Variants in APLN observed in about 807,000 individuals in gnomAD.
APLN encodes the protein apelin, also known as AGTRL1 ligand.
Under a neutral mutation model 4.3 loss-of-function variants are expected in APLN, and 2 were observed. The observed-to-expected ratio is 0.46, with a 90% CI of 0.19 to 1.45. The LOEUF is 1.45. Ranked by LOEUF, APLN falls within the 40% of genes most tolerant of loss-of-function variation. The pLI is 0.25. For missense variants in APLN, 80 were observed against 70.0 expected, an observed-to-expected ratio of 1.14 and a Z score of -0.51; for synonymous variants, 34 against 30.4, an observed-to-expected ratio of 1.12 and a Z score of -0.38.
intron 1 of APLN, among the ~76,000 whole-genome samples, chrX:129,650,856 G>A (rs1319444816): frequency 5.4e-5 from 6 of 111,871 alleles, no homozygotes; most frequent in Admixed American, 1.9e-4. Context: ...CACTGAGGGC[G>A]GATCTGAATG....
At chrX:129,650,530 T>C (rs189646111) in intron 1 of APLN, among the ~76,000 whole-genome samples, 15 of 111,742 alleles carry the variant, frequency 1.3e-4, no homozygotes, top group South Asian at 7.5e-4. Context: ...CCAAGAAAAA[T>C]TGCCAGGCCC....
At position 129,654,670 on chromosome X, in the gene APLN, G is replaced by A. The variant is rs777260111; in HGVS notation, c.-40C>T. 8.0e-5 allele frequency: 83 copies of A among 1,032,899 alleles called. No individual in the cohort carries two copies. The African/African-American group carries it at 1.5e-3, about 18-fold the overall frequency. The allele number at this position is 1,032,899 out of a possible 1,213,427, so 85.1% of individuals were successfully genotyped here. On this transcript the variant is annotated 5_prime_UTR_variant, in exon 1 of 3. Transcript: ENST00000429967. ...CGCCGCGGCCCCGGCGAGCCGGCGC[G>A]GGGGAGGAGAGGTCGGGCGCCCGGA...
At chrX:129,649,396 G>A (rs1435175558) in intron 1 of APLN, among the ~76,000 whole-genome samples, 2 of 111,136 alleles carry the variant, frequency 1.8e-5, no homozygotes, top group Admixed American at 9.5e-5. Flanking sequence ...CTCATATCTC[G>A]CCCCTGGGTG....
chrX:129,651,026 G>A (rs1936975678), intron 1 of APLN, among the ~76,000 whole-genome samples: 1 of 110,394 alleles, frequency 9.1e-6, no homozygotes, highest in Non-Finnish European at 1.9e-5. Flanking sequence ...ATGGAGAAGA[G>A]AAGCATGGTG....
chrX:129,649,630 G>T (rs1015685574), intron 1 of APLN, among the ~76,000 whole-genome samples: 1 of 111,821 alleles, frequency 8.9e-6, no homozygotes, highest in Admixed American at 9.4e-5. Flanking sequence ...GCACCAGGAG[G>T]GGGGTGGGCT....
chrX:129,654,505 G>A (rs987922708), intron 1 of APLN, 59 bp downstream of exon 1: 17 of 1,094,950 alleles, frequency 1.6e-5, no homozygotes, highest in Non-Finnish European at 1.9e-5. Flanking sequence ...GTGCGAATAG[G>A]GCGGAGGGAA....
Position 129,647,092 on chromosome X carries a change from G to C in APLN, c.*831C>G, listed in dbSNP as rs1347127773. The C allele has an allele frequency of 8.4e-6, 1 of 119,261 alleles. No individual in the cohort carries two copies. 9.8% of individuals were successfully genotyped at this position (119,261 alleles called of 1,213,427 possible). ...CTAAGAAGGCTAAGTGACCTTCAAG[G>C]GTCCTGTCAGCTCTAACATTCTGTG... On this transcript the variant is annotated 3_prime_UTR_variant, in exon 3 of 3. Transcript: ENST00000429967.
chrX:129,654,606 C>T lies in APLN; in HGVS notation c.25G>A (p.Ala9Thr). The change falls in exon 1 of 3, where the codon GCG becomes ACG. Residue 9 changes from alanine to threonine, a missense_variant. Coordinates refer to ENST00000429967, the MANE Select transcript of APLN (RefSeq NM_017413.5). Reference sequence around the variant, plus strand: ...AAGGAGAGCCAGAGCAGCAGGAGCGCCTGCACGCAGAGCCGCAGATTCATG... The same window carrying T: ...AAGGAGAGCCAGAGCAGCAGGAGCGTCTGCACGCAGAGCCGCAGATTCATG... MNLRLCVQ[A>T]LLLLWLSLTA... 2.6e-6 allele frequency: 3 copies of T among 1,153,416 alleles called. No homozygotes were observed. Among genetic ancestry groups the T allele is most frequent in the Non-Finnish European group, 2.3e-6 (2 of 868,807 alleles).
At position 129,647,534 on chromosome X, in the gene APLN, G is replaced by T; in HGVS notation, c.*389C>A. 2.4e-6 allele frequency: 2 copies of T among 847,721 alleles called. No individual in the cohort carries two copies. Among genetic ancestry groups the T allele is most frequent in the Non-Finnish European group, 3.1e-6 (2 of 654,501 alleles). 69.9% of individuals were successfully genotyped at this position (847,721 alleles called of 1,213,427 possible). A position where few individuals can be genotyped will look rare whatever the true frequency, so the allele number is the denominator to read the frequency against. ...GGGATCTGCTGGAGCCCACAGAAGG[G>T]AGCACTTCCACCCCGCGCTCAGGGC... On this transcript the variant is annotated 3_prime_UTR_variant, in exon 3 of 3. Coordinates refer to ENST00000429967, the MANE Select transcript of APLN (RefSeq NM_017413.5).
Position 129,654,757 on chromosome X carries a change from G to A in APLN, c.-127C>T. On this transcript the variant is annotated 5_prime_UTR_variant, in exon 1 of 3. Transcript: ENST00000429967. ...GGCGCAGAGCTCGGGAGGCTCCCCG[G>A]CCGCTGAGTGTGCGCGCTGAGCCCC... is the stretch of plus-strand genomic sequence containing the variant. 2.8e-6 allele frequency: 1 copy of A among 361,140 alleles called. No homozygotes were observed. The highest frequency in any genetic ancestry group is 4.1e-6 in the Non-Finnish European group (1 of 242,588). 29.8% of individuals were successfully genotyped at this position (361,140 alleles called of 1,213,427 possible).
chrX:129,651,022 A>G (rs907948648), intron 1 of APLN, among the ~76,000 whole-genome samples: 1 of 110,752 alleles, frequency 9.0e-6, no homozygotes, highest in Non-Finnish European at 1.9e-5. Context: ...AGACATGGAG[A>G]AGAGAAGCAT....
Position 129,647,680 on chromosome X carries a change from T to C in APLN, c.*243A>G, listed in dbSNP as rs773868584. 8.1e-5 allele frequency: 80 copies of C among 982,629 alleles called. No individual in the cohort carries two copies. The highest frequency in any genetic ancestry group is 1.0e-4 in the Non-Finnish European group (76 of 756,055). The allele number at this position is 982,629 out of a possible 1,213,427, so 81.0% of individuals were successfully genotyped here. On this transcript the variant is annotated 3_prime_UTR_variant, in exon 3 of 3. Transcript: ENST00000429967. ...TCTGGGGCTAGGTCTCCAAAGTCAGTCCAGGGAGGGGCCAGGAAGATGGAC... is the reference window on the plus strand; with the variant it reads ...TCTGGGGCTAGGTCTCCAAAGTCAGCCCAGGGAGGGGCCAGGAAGATGGAC...
chrX:129,650,880 G>A (rs1439061236), intron 1 of APLN, among the ~76,000 whole-genome samples: 2 of 112,073 alleles, frequency 1.8e-5, no homozygotes, highest in Non-Finnish European at 3.8e-5. Flanking sequence ...CTGATAAGGA[G>A]CAGGGGAAGG....
intron 2 of APLN, among the ~76,000 whole-genome samples, chrX:129,648,191 C>A (rs1270042980): frequency 9.0e-6 from 1 of 111,722 alleles, no homozygotes; most frequent in African/African-American, 3.3e-5. Context: ...ACCACAGCCA[C>A]AACTGTCCTC....
In APLN at chrX:129,648,786, A is replaced by G. The variant is rs945796684; in HGVS notation, c.74T>C (p.Leu25Pro). 8 of 1,164,596 alleles carry G rather than the reference A, an allele frequency of 6.9e-6. No individual in the cohort carries two copies. The highest frequency in any genetic ancestry group is 3.2e-5 in the East Asian group (1 of 31,172). ...CCCATTCCCATCGGGAAGCGGCATC[A>G]GGGACCCTGCAGGAAGGAGAAAGCC... ...LSLTAVCGGS[L>P]MPLPDGNGLE... The change falls in exon 2 of 3, where the codon CTG becomes CCG. Residue 25 changes from leucine to proline, a missense_variant. Physicochemically the swap from Leu to Pro is moderately conservative, Grantham distance 98. Transcript: ENST00000429967.
At chrX:129,651,679 A>G (rs375044047) in intron 1 of APLN, among the ~76,000 whole-genome samples, 4 of 112,068 alleles carry the variant, frequency 3.6e-5, no homozygotes, top group African/African-American at 1.3e-4. Flanking sequence ...TTTGACTTTC[A>G]TGCTATCTGA....
At chrX:129,652,326 T>C (rs2235310) in intron 1 of APLN, among the ~76,000 whole-genome samples, 13,791 of 109,046 alleles carry the variant, frequency 0.13, 1,371 homozygotes, top group East Asian at 0.47. Context: ...TGGAGAGGGG[T>C]CGGGGGTGGA....
In APLN at chrX:129,648,054, C is replaced by A. The variant is rs1010031415; in HGVS notation, c.*6-137G>T. On this transcript the variant is annotated intron_variant, in intron 2 of 2. Transcript: ENST00000429967. ...CTCAGCCCAAACCTCAATCCCAAGG[C>A]CCCTGAGTTGGTGCCTGCCTGTCCC... is the stretch of plus-strand genomic sequence containing the variant. 2.7e-5 allele frequency: 23 copies of A among 836,442 alleles called. No individual in the cohort carries two copies. The African/African-American group carries it at 5.0e-4, about 18-fold the overall frequency. The allele number at this position is 836,442 out of a possible 1,213,427, so 68.9% of individuals were successfully genotyped here.
intron 2 of APLN, 118 bp from the exon 3 acceptor site, chrX:129,648,035 C>T (rs770486392): frequency 1.1e-6 from 1 of 893,671 alleles, no homozygotes; most frequent in South Asian, 2.4e-5. Flanking sequence ...TCCACTCAGC[C>T]CAAACCTCAA....
Sources: gnomAD v4.1 joint callset for allele counts (sites outside exome capture counted in the v4.1 genomes callset) on GRCh38, gnomAD v4.1.1 for gene constraint, MANE v1.5 for transcripts, NCBI Gene and HGNC (gene_info 2026-07-23, HGNC 2026-07-21) for gene names.